Variants in RAD51B observed in about 807,000 individuals in gnomAD.
The protein encoded by RAD51B is RAD51 paralog B, also known as DNA repair protein RAD51 homolog 2.
A neutral mutation model predicts 42.2 loss-of-function variants in RAD51B; 38 were observed. The ratio of observed to expected loss-of-function variants is 0.90; its 90% CI spans 0.70 to 1.18. The LOEUF is 1.18. RAD51B is among the 50% of genes most tolerant of loss of function. The pLI is 0.00. For synonymous variants in RAD51B, 154 were observed against 145.2 expected (o/e 1.06, Z -0.43); for missense variants, 373 against 400.7 (o/e 0.93, Z 0.59).
At chr14:68,177,713 T>G (rs1218338213) in intron 7 of RAD51B, among the ~76,000 whole-genome samples, 1 of 152,034 alleles carries the variant, frequency 6.6e-6, no homozygotes, top group Non-Finnish European at 1.5e-5. Flanking sequence ...TATAAATAAA[T>G]TTGAGAAAGC....
chr14:67,935,547 G>A (rs1276852674), intron 7 of RAD51B, among the ~76,000 whole-genome samples: 1 of 152,024 alleles, frequency 6.6e-6, no homozygotes, highest in Non-Finnish European at 1.5e-5. Context: ...AAATTTTTTT[G>A]TAGAGATGGG....
intron 10 of RAD51B, among the ~76,000 whole-genome samples, chr14:68,584,954 C>T (rs1392710264): frequency 2.0e-5 from 3 of 152,108 alleles, no homozygotes; most frequent in East Asian, 1.9e-4. Flanking sequence ...CAGAGCTGGG[C>T]GTTACACTCA....
At chr14:68,210,591 CTAG>C (rs2079686260) in intron 7 of RAD51B, among the ~76,000 whole-genome samples, 1 of 151,914 alleles carries the variant, frequency 6.6e-6, no homozygotes, top group Non-Finnish European at 1.5e-5. Context: ...TGCATGAGCT[CTAG>C]TAGTAACTGC....
At chr14:68,466,523 C>T (rs1368690975) in intron 9 of RAD51B, among the ~76,000 whole-genome samples, 2 of 152,164 alleles carry the variant, frequency 1.3e-5, no homozygotes. Context: ...ACTGGTGACC[C>T]CGAGTGGGAG....
chr14:68,253,620 A>G (rs1244356909), intron 7 of RAD51B, among the ~76,000 whole-genome samples: 1 of 151,860 alleles, frequency 6.6e-6, no homozygotes, highest in South Asian at 2.1e-4. Context: ...AGCAAAACAC[A>G]TTTCTTTAAA....
chr14:68,193,236 A>T (rs1008928086), intron 7 of RAD51B, among the ~76,000 whole-genome samples: 16 of 152,196 alleles, frequency 1.1e-4, no homozygotes, highest in South Asian at 1.0e-3. Flanking sequence ...ATCCTTCAAG[A>T]CAACACTCAA....
intron 8 of RAD51B, among the ~76,000 whole-genome samples, chr14:68,292,301 A>G (rs1251148821): frequency 6.6e-6 from 1 of 152,196 alleles, no homozygotes; most frequent in African/African-American, 2.4e-5. Context: ...TGGCTTTCCC[A>G]GTGGTCCCCT....
At chr14:67,886,605 T>C in intron 6 of RAD51B, 1 of 229,182 alleles carries the variant, frequency 4.4e-6, no homozygotes, top group Non-Finnish European at 8.7e-6. Context: ...GCTGTAGTCT[T>C]TTATAACCCA....
intron 7 of RAD51B, among the ~76,000 whole-genome samples, chr14:68,004,168 A>G (rs962663098): frequency 2.6e-4 from 39 of 151,968 alleles, no homozygotes; most frequent in Non-Finnish European, 7.4e-5. Context: ...GTCTCTACTA[A>G]AAATACAAAA....
At chr14:68,661,220 C>T (rs912401003) in intron 11 of RAD51B, among the ~76,000 whole-genome samples, 12 of 152,172 alleles carry the variant, frequency 7.9e-5, no homozygotes, top group Admixed American at 2.0e-4. Context: ...AGGAAAGGAA[C>T]GGAAAGGGAA....
At chr14:68,610,867 GTGTGTGTGTGTGTGTGTGTC>G (rs1482243849) in intron 10 of RAD51B, 9 of 629,040 alleles carry the variant, frequency 1.4e-5, no homozygotes, top group Admixed American at 4.7e-5. Flanking sequence ...GTGTGTGTGT[GTGTGTGTGTGTGTGTGTGTC>G]ATCTCCCTAG....
chr14:68,205,034 T>C (rs991526308), intron 7 of RAD51B, among the ~76,000 whole-genome samples: 2 of 152,184 alleles, frequency 1.3e-5, no homozygotes, highest in African/African-American at 4.8e-5. Context: ...GGATACATAA[T>C]GAGTTGTTAG....
At chr14:68,542,856 G>A (rs536703096) in intron 10 of RAD51B, among the ~76,000 whole-genome samples, 1 of 152,068 alleles carries the variant, frequency 6.6e-6, no homozygotes, top group Middle Eastern at 3.2e-3. Context: ...TCCAAACTCA[G>A]CCCATCTTTC....
chr14:68,364,048 AG>A (rs1428666323), intron 8 of RAD51B, among the ~76,000 whole-genome samples: 1 of 152,196 alleles, frequency 6.6e-6, no homozygotes, highest in Non-Finnish European at 1.5e-5. Flanking sequence ...TGTGTGGCGA[AG>A]GAAGTATCTG....
At chr14:67,845,300 TAAC>T (rs2041574576) in intron 4 of RAD51B, among the ~76,000 whole-genome samples, 1 of 152,220 alleles carries the variant, frequency 6.6e-6, no homozygotes. Flanking sequence ...GGTCTAATGG[TAAC>T]AAATTCCCTT....
chr14:68,292,501 T>C (rs2081535937), intron 8 of RAD51B, among the ~76,000 whole-genome samples: 1 of 152,244 alleles, frequency 6.6e-6, no homozygotes, highest in Admixed American at 6.5e-5. Flanking sequence ...ATGGTTTCGA[T>C]GGCAATAAGC....
rs576310805 is a variant in RAD51B at position 68,256,693 on chromosome 14, C to G, written c.757-35191C>G. Among the ~76,000 whole-genome samples, 13 of 152,248 alleles carry G rather than the reference C, an allele frequency of 8.5e-5. No individual in the cohort carries two copies. The South Asian group carries it at 1.2e-3, about 15-fold the overall frequency. ...CCTATCCTAGTGTATTTCCAAGGCC[C>G]CAGGTTAAATCCCACCTCCTTCCCG... On this transcript the variant is annotated intron_variant, in intron 7 of 10. Coordinates refer to ENST00000471583, the MANE Select transcript of RAD51B (RefSeq NM_133510.4).
rs1482908579 is a variant in RAD51B, at chr14:68,371,054, AAG to A, written c.854-40368_854-40367del. Among the ~76,000 whole-genome samples, 713 of 88,738 alleles carry A rather than the reference AAG, an allele frequency of 8.0e-3. 104 individuals are homozygous for A. The highest frequency in any genetic ancestry group is 0.032 in the African/African-American group (682 of 21,482). 58.2% of individuals were successfully genotyped at this position (88,738 alleles called of 152,430 possible). A position where few individuals can be genotyped will look rare whatever the true frequency, so the allele number is the denominator to read the frequency against. On this transcript the variant is annotated intron_variant, in intron 8 of 10. Transcript: ENST00000471583. The stretch of plus-strand genomic sequence containing the variant: ...TCTGTCTCAAAAAAAAAAAAAAAAA[AAG>A]AAAAAAAGAAAAGAAAATTAAAAAA...
intron 7 of RAD51B, among the ~76,000 whole-genome samples, chr14:68,171,958 C>A (rs959595010): frequency 1.3e-5 from 2 of 152,186 alleles, no homozygotes; most frequent in African/African-American, 4.8e-5. Flanking sequence ...CCACCCACCT[C>A]AGCCTCCCAA....
Sources: gnomAD v4.1 joint callset for allele counts (sites outside exome capture counted in the v4.1 genomes callset) on GRCh38, gnomAD v4.1.1 for gene constraint, MANE v1.5 for transcripts, NCBI Gene and HGNC (gene_info 2026-07-23, HGNC 2026-07-21) for gene names.